Variants in TNRC6B observed in about 807,000 individuals in gnomAD.
TNRC6B encodes trinucleotide repeat containing adaptor 6B.
In TNRC6B, 52 loss-of-function variants were observed where a neutral mutation model predicts 203.6. The ratio of observed to expected loss-of-function variants is 0.26; its 90% CI spans 0.20 to 0.32. The LOEUF is 0.32. Ranked by LOEUF, TNRC6B falls within the 10% of genes least tolerant of loss-of-function variation. The pLI, the probability that TNRC6B is intolerant of heterozygous loss-of-function variation, is 1.00. For synonymous variants in TNRC6B, 838 were observed against 845.7 expected (o/e 0.99, Z 0.16); for missense variants, 1,923 against 2,286.2 (o/e 0.84, Z 3.24).
intron 1 of TNRC6B, among the ~76,000 whole-genome samples, chr22:40,230,265 A>G (rs2069849509): frequency 6.7e-6 from 1 of 148,950 alleles, no homozygotes; most frequent in African/African-American, 2.5e-5. Context: ...TGTCTGTTCA[A>G]ATCTTTTGCC....
intron 12 of TNRC6B, among the ~76,000 whole-genome samples, chr22:40,288,788 GC>G (rs1569055625): frequency 6.8e-6 from 1 of 147,250 alleles, no homozygotes; most frequent in East Asian, 2.0e-4. Flanking sequence ...TGATCCACCC[GC>G]CCTGGCCTCC....
chr22:40,311,811 G>A (rs891574142), intron 17 of TNRC6B, among the ~76,000 whole-genome samples: 7 of 152,224 alleles, frequency 4.6e-5, no homozygotes, highest in African/African-American at 1.4e-4. Flanking sequence ...CCAAAGTGCC[G>A]GGATTACAGG....
intron 1 of TNRC6B, among the ~76,000 whole-genome samples, chr22:40,064,533 T>G (rs189897743): frequency 6.8e-4 from 103 of 152,282 alleles, no homozygotes; most frequent in African/African-American, 2.3e-3. Flanking sequence ...TCTACTGATG[T>G]GGTATATTAC....
At chr22:40,136,372 TG>T (rs1357646382) in intron 3 of TNRC6B, among the ~76,000 whole-genome samples, 1 of 23,530 alleles carries the variant, frequency 4.2e-5, no homozygotes, top group African/African-American at 1.4e-3. Context: ...ATGTTTATCT[TG>T]TGTGTGTGTG....
intron 3 of TNRC6B, among the ~76,000 whole-genome samples, chr22:40,258,100 T>TTTTTTTTTTTTTC (rs1982704864): frequency 8.1e-6 from 1 of 123,832 alleles, no homozygotes; most frequent in Non-Finnish European, 1.7e-5. Flanking sequence ...TTTTTTTTTT[T>TTTTTTTTTTTTTC]TACCCCACAA....
chr22:40,128,433 G>C (rs968983332), intron 3 of TNRC6B, among the ~76,000 whole-genome samples: 1 of 152,082 alleles, frequency 6.6e-6, no homozygotes, highest in Non-Finnish European at 1.5e-5. Flanking sequence ...GAAAAGTAGA[G>C]AATTTTTTAC....
At chr22:40,311,230 A>G (rs1456326902) in intron 17 of TNRC6B, among the ~76,000 whole-genome samples, 1 of 152,206 alleles carries the variant, frequency 6.6e-6, no homozygotes, top group Non-Finnish European at 1.5e-5. Flanking sequence ...CGTCCCATGC[A>G]TAGGATGCCT....
chr22:40,207,406 C>CAAAAAAAA (rs1253967138), intron 1 of TNRC6B, among the ~76,000 whole-genome samples: 2 of 98,280 alleles, frequency 2.0e-5, no homozygotes, highest in Admixed American at 1.2e-4. Context: ...GACCCTGCCT[C>CAAAAAAAA]AAAAAAAAAA....
In TNRC6B at chr22:40,246,774, G is replaced by A. The variant is rs2070113126; in HGVS notation, c.93+672G>A. On this transcript the variant is annotated intron_variant, in intron 2 of 22. Transcript: ENST00000454349. The stretch of plus-strand genomic sequence containing the variant: ...TAAAAACTGGCTGGAGGTTTGCCCC[G>A]GTGTTCTTTTGTTCCACCCACGGTG... 4.6e-5 allele frequency among the ~76,000 whole-genome samples: 7 copies of A among 151,914 alleles called. No individual in the cohort carries two copies. The South Asian group carries it at 8.3e-4, about 18-fold the overall frequency.
chr22:40,087,142 T>G (rs569188235), intron 1 of TNRC6B, among the ~76,000 whole-genome samples: 1 of 151,740 alleles, frequency 6.6e-6, no homozygotes, highest in Non-Finnish European at 1.5e-5. Context: ...GTAATGTGTT[T>G]CTGGATATTT....
chr22:40,202,652 T>C (rs2069429190), intron 1 of TNRC6B, among the ~76,000 whole-genome samples: 1 of 152,106 alleles, frequency 6.6e-6, no homozygotes, highest in Non-Finnish European at 1.5e-5. Flanking sequence ...CTTCATAGCT[T>C]CACGAAGACC....
At chr22:40,117,210 T>C (rs1222729216) in intron 2 of TNRC6B, 1 of 152,570 alleles carries the variant, frequency 6.6e-6, no homozygotes, top group Admixed American at 6.5e-5. Context: ...AAAAACATTG[T>C]TGCCCTTTTA....
chr22:40,179,345 G>C (rs987194534), intron 1 of TNRC6B, among the ~76,000 whole-genome samples: 11 of 152,026 alleles, frequency 7.2e-5, no homozygotes, highest in Non-Finnish European at 1.6e-4. Context: ...CCCCACCCCT[G>C]GGTAAATTAC....
At chr22:40,220,553 A>G (rs138158803) in intron 1 of TNRC6B, among the ~76,000 whole-genome samples, 79 of 152,228 alleles carry the variant, frequency 5.2e-4, no homozygotes, top group East Asian at 9.7e-4. Flanking sequence ...TGTACACTCT[A>G]TTGTTCAAGT....
intron 1 of TNRC6B, among the ~76,000 whole-genome samples, chr22:40,074,595 G>A (rs901263679): frequency 3.3e-5 from 5 of 151,976 alleles, no homozygotes; most frequent in South Asian, 2.1e-4. Context: ...TAGCTAACAC[G>A]GTAAAACCCC....
chr22:40,245,074 C>CATTTATTTATTTATTTATTTATTT (rs36155056), intron 1 of TNRC6B, among the ~76,000 whole-genome samples: 1 of 149,420 alleles, frequency 6.7e-6, no homozygotes, highest in African/African-American at 2.5e-5. Flanking sequence ...ATAGGACATA[C>CATTTATTTATTTATTTATTTATTT]ATTTATTTAT....
chr22:40,132,968 A>T lies in TNRC6B; in HGVS notation c.45+7106A>T, dbSNP rs1253602155. On this transcript the variant is annotated intron_variant, in intron 3 of 23. Coordinates refer to the TNRC6B transcript ENST00000301923. ...CAAAAAAAAAAAAAAAAAAAAAAAAAAATATATATATATATATATATATTC... is the reference window on the plus strand; with the variant it reads ...CAAAAAAAAAAAAAAAAAAAAAAAATAATATATATATATATATATATATTC... Among the ~76,000 whole-genome samples, 9 of 113,046 alleles carry T rather than the reference A, an allele frequency of 8.0e-5. 1 individual carries two copies. The highest frequency in any genetic ancestry group is 2.3e-4 in the African/African-American group (7 of 30,398). 74.2% of individuals were successfully genotyped at this position (113,046 alleles called of 152,430 possible).
At chr22:40,186,085 G>A (rs992111112) in intron 1 of TNRC6B, among the ~76,000 whole-genome samples, 1 of 152,108 alleles carries the variant, frequency 6.6e-6, no homozygotes, top group Non-Finnish European at 1.5e-5. Context: ...AGTGATAGTC[G>A]AAGGTAAGGG....
Position 40,265,810 on chromosome 22 carries a change from G to A in TNRC6B, c.1580G>A (p.Gly527Asp), listed in dbSNP as rs762586017. 4 of 1,613,824 alleles carry A rather than the reference G, an allele frequency of 2.5e-6. No individual in the cohort carries two copies. In the African/African-American group the frequency reaches 4.0e-5, roughly 16 times the overall value. ...GAGTTGAAAATTGGAGAATGGAGTG[G>A]TCCAAACCAACCAAATTCTAGCACT... ...SDELKIGEWS[G>D]PNQPNSSTGA... is the part of the protein sequence containing the mutation. Residue 527 changes from glycine to aspartate, a missense_variant, in exon 5 of 23, where the codon GGT becomes GAT. Gly to Asp is a moderately conservative substitution (Grantham distance 94). This residue lies in a region of TNRC6B where 614 missense variants were observed against 587.7 expected (regional missense o/e 1.04). Coordinates refer to ENST00000454349, the MANE Select transcript of TNRC6B (RefSeq NM_001162501.2).
Sources: allele counts gnomAD v4.1 joint callset (sites outside exome capture counted in the v4.1 genomes callset), GRCh38; gene constraint gnomAD v4.1.1; regional missense constraint gnomAD v4.1.1; transcripts MANE v1.5; gene names NCBI Gene and HGNC (gene_info 2026-07-23, HGNC 2026-07-21).